Variants in COL4A5 observed in about 807,000 individuals in gnomAD.
The protein encoded by COL4A5 is collagen alpha-5(IV) chain.
Under a neutral mutation model 130.2 loss-of-function variants are expected in COL4A5, and 26 were observed. That is an observed-to-expected ratio of 0.20 (90% CI 0.15 to 0.28). The LOEUF is 0.28. COL4A5 is among the 10% of genes least tolerant of loss of function. The probability of loss-of-function intolerance (pLI) is 1.00; values close to 1 mark genes in which losing one functional copy is unlikely to be tolerated. For synonymous variants in COL4A5, 496 were observed against 439.6 expected, an observed-to-expected ratio of 1.13 and a Z score of -1.60; for missense variants, 1,131 against 1,344.3, an observed-to-expected ratio of 0.84 and a Z score of 2.48.
intron 1 of COL4A5, among the ~76,000 whole-genome samples, chrX:108,454,017 A>G (rs761842929): frequency 7.6e-4 from 85 of 112,151 alleles, no homozygotes; most frequent in Non-Finnish European, 7.9e-4. Flanking sequence ...TAGGTACTAA[A>G]TTGGAAAATT....
intron 52 of COL4A5, 36 bp downstream of exon 52, chrX:108,695,475 T>C: frequency 8.5e-7 from 1 of 1,176,471 alleles, no homozygotes; most frequent in Non-Finnish European, 1.2e-6. Context: ...GGTCCAAAGC[T>C]TCCTTCAGAG....
intron 16 of COL4A5, 77 bp downstream of exon 16, chrX:108,581,104 C>A: frequency 1.2e-6 from 1 of 863,865 alleles, no homozygotes; most frequent in Non-Finnish European, 1.7e-6. Context: ...GGCAGAGAAG[C>A]AGTATGACAA....
At chrX:108,534,498 T>A (rs2065429875) in intron 1 of COL4A5, among the ~76,000 whole-genome samples, 1 of 111,189 alleles carries the variant, frequency 9.0e-6, no homozygotes, top group Non-Finnish European at 1.9e-5. Flanking sequence ...GATTGACAAA[T>A]ATTGCATGTT....
chrX:108,666,600 G>A lies in COL4A5; in HGVS notation c.3553+6G>A. The A allele has an allele frequency of 2.5e-6, 3 of 1,179,139 alleles. No homozygotes were observed. The highest frequency in any genetic ancestry group is 3.0e-5 in the East Asian group (1 of 32,891). ...TGGACAGAAGGGTGAACCAGGTGCT[G>A]TAGTTTTTCATTTTTCCTATTTTTC... On this transcript the variant is annotated splice_donor_region_variant and intron_variant, in intron 39 of 52. Transcript: ENST00000328300.
Position 108,571,815 on chromosome X carries a change from C to A in COL4A5, c.443C>A (p.Pro148His). Reference sequence around the variant, plus strand: ...CCCTTTTCTTTTTAATAATAGGGACCCCCTGGGATCCCAGGTATGAAGGTA... The same window carrying A: ...CCCTTTTCTTTTTAATAATAGGGACACCCTGGGATCCCAGGTATGAAGGTA... ...GFPGLQGPPGPPGIPGMKGEP... is the reference protein window; with the variant it reads ...GFPGLQGPPGHPGIPGMKGEP... The change falls in exon 8 of 53, where the codon CCC becomes CAC. Residue 148 changes from proline to histidine, a missense_variant. Pro to His is a moderately conservative substitution (Grantham distance 77). Transcript: ENST00000328300. 1.7e-6 allele frequency: 2 copies of A among 1,177,553 alleles called. No individual in the cohort carries two copies. Among genetic ancestry groups the A allele is most frequent in the Non-Finnish European group, 2.3e-6 (2 of 865,119 alleles).
intron 36 of COL4A5, among the ~76,000 whole-genome samples, chrX:108,641,749 G>A (rs2067471712): frequency 8.9e-6 from 1 of 111,968 alleles, no homozygotes. Context: ...GGCTTGCTGG[G>A]TCACCAAGCA....
chrX:108,464,250 T>C lies in COL4A5; in HGVS notation c.81+24044T>C, dbSNP rs186240704. Reference sequence around the variant, plus strand: ...GAGGGAAAGATGTCTTAGAAACACTTTTTTAGTTTATTTCTAGAGGTATTG... The same window carrying C: ...GAGGGAAAGATGTCTTAGAAACACTCTTTTAGTTTATTTCTAGAGGTATTG... On this transcript the variant is annotated intron_variant, in intron 1 of 52. Coordinates refer to ENST00000328300, the MANE Select transcript of COL4A5 (RefSeq NM_033380.3). Among the ~76,000 whole-genome samples, 66 of 112,035 alleles carry C rather than the reference T, an allele frequency of 5.9e-4. No individual in the cohort carries two copies. The East Asian group carries it at 0.017, about 29-fold the overall frequency.
intron 36 of COL4A5, among the ~76,000 whole-genome samples, chrX:108,646,359 T>C (rs2067588139): frequency 8.9e-6 from 1 of 112,399 alleles, no homozygotes; most frequent in African/African-American, 3.2e-5. Context: ...CATGTGTTTT[T>C]TGGCTGCATA....
intron 43 of COL4A5, 80 bp downstream of exon 43, chrX:108,674,833 T>C (rs2068276358): frequency 9.6e-7 from 1 of 1,046,898 alleles, no homozygotes; most frequent in Non-Finnish European, 1.3e-6. Flanking sequence ...TGCAATTTTT[T>C]GCTATAATTC....
At chrX:108,652,365 G>A (rs1276426836) in intron 36 of COL4A5, among the ~76,000 whole-genome samples, 3 of 112,466 alleles carry the variant, frequency 2.7e-5, no homozygotes, top group Non-Finnish European at 3.8e-5. Context: ...TACAGATAAG[G>A]TTGTAAAAAC....
At chrX:108,465,363 G>A (rs1185397283) in intron 1 of COL4A5, among the ~76,000 whole-genome samples, 1 of 111,942 alleles carries the variant, frequency 8.9e-6, no homozygotes, top group Non-Finnish European at 1.9e-5. Flanking sequence ...ATATTTTCAT[G>A]TGGTTATTGG....
intron 37 of COL4A5, among the ~76,000 whole-genome samples, chrX:108,661,188 C>T (rs2067952213): frequency 9.0e-6 from 1 of 111,324 alleles, no homozygotes; most frequent in South Asian, 3.8e-4. Context: ...TAAAACATAC[C>T]CAGTTGTTAA....
At chrX:108,616,714 T>G (rs1603296233) in intron 30 of COL4A5, among the ~76,000 whole-genome samples, 2 of 111,510 alleles carry the variant, frequency 1.8e-5, no homozygotes, top group Middle Eastern at 9.3e-3. Context: ...ACAAATATGT[T>G]AACACGTGTC....
intron 47 of COL4A5, among the ~76,000 whole-genome samples, chrX:108,683,409 G>T (rs765280112): frequency 1.5e-4 from 17 of 111,289 alleles, no homozygotes; most frequent in African/African-American, 5.6e-4. Flanking sequence ...ATTTAAAGTA[G>T]TTTTTTTCTA....
At chrX:108,624,667 A>C (rs1012904826) in intron 34 of COL4A5, among the ~76,000 whole-genome samples, 3 of 112,195 alleles carry the variant, frequency 2.7e-5, no homozygotes, top group African/African-American at 9.7e-5. Context: ...TATCTCATGA[A>C]GGCCTGAAGA....
chrX:108,668,250 A>G lies in COL4A5; in HGVS notation c.3605-69A>G, dbSNP rs2068124657. On this transcript the variant is annotated intron_variant, in intron 40 of 52. Transcript: ENST00000328300. ...CCATTAATTGCCCTAATGTATGTGA[A>G]TAGCTAACCTTATAAGCAAGCTTGT... 6.7e-6 allele frequency: 7 copies of G among 1,044,255 alleles called. No individual in the cohort carries two copies. The East Asian group carries it at 1.8e-4, about 27-fold the overall frequency. 86.1% of individuals were successfully genotyped at this position (1,044,255 alleles called of 1,213,427 possible). A position where few individuals can be genotyped will look rare whatever the true frequency, so the allele number is the denominator to read the frequency against.
At chrX:108,474,789 G>T (rs778733944) in intron 1 of COL4A5, among the ~76,000 whole-genome samples, 1 of 111,350 alleles carries the variant, frequency 9.0e-6, no homozygotes, top group African/African-American at 3.3e-5. Context: ...GATGAGATAA[G>T]AGTTCATTTT....
intron 37 of COL4A5, among the ~76,000 whole-genome samples, chrX:108,656,385 A>T (rs984994863): frequency 8.9e-6 from 1 of 112,353 alleles, no homozygotes; most frequent in Non-Finnish European, 1.9e-5. Flanking sequence ...AATGTACCAC[A>T]GTCAATTACA....
Position 108,597,487 on chromosome X carries a change from T to C in COL4A5, c.1698T>C (p.Pro566=), listed in dbSNP as rs143442986. The change falls in exon 24 of 53, where the codon CCT becomes CCC. Residue 566 remains proline (P), a synonymous_variant. Coordinates refer to ENST00000328300, the MANE Select transcript of COL4A5 (RefSeq NM_033380.3). ...MKGDKGELGS[P]GAPGLPGLPG... ...GTGACAAAGGAGAGTTGGGTTCCCCTGGAGCTCCAGGGCTTCCTGGTTTAC... is the reference window on the plus strand; with the variant it reads ...GTGACAAAGGAGAGTTGGGTTCCCCCGGAGCTCCAGGGCTTCCTGGTTTAC... 110 of 1,208,635 alleles carry C rather than the reference T, an allele frequency of 9.1e-5. No individual in the cohort carries two copies. Among genetic ancestry groups the C allele is most frequent in the Middle Eastern group, 2.3e-4 (1 of 4,282 alleles).
Sources: gnomAD v4.1 joint callset for allele counts (sites outside exome capture counted in the v4.1 genomes callset) on GRCh38, gnomAD v4.1.1 for gene constraint, MANE v1.5 for transcripts, NCBI Gene and HGNC (gene_info 2026-07-23, HGNC 2026-07-21) for gene names.